The following ERC2 variants were observed in gnomAD, a reference collection of about 807,000 sequenced individuals.
ERC2 encodes the protein ELKS/RAB6-interacting/CAST family member 2, also known as ERC protein 2.
In ERC2, 42 loss-of-function variants were observed where a neutral mutation model predicts 114.8. That is an observed-to-expected ratio of 0.37 (90% CI 0.29 to 0.47). The LOEUF (loss-of-function observed/expected upper bound fraction) is 0.47. ERC2 is among the 20% of genes least tolerant of loss of function. ERC2 has a pLI of 0.99. For missense variants in ERC2, 939 were observed against 1,150.7 expected (o/e 0.82, Z 2.66); for synonymous variants, 454 against 425.5 (o/e 1.07, Z -0.82).
intron 14 of ERC2, among the ~76,000 whole-genome samples, chr3:55,879,903 A>T (rs1255263564): frequency 1.3e-5 from 2 of 152,140 alleles, no homozygotes; most frequent in African/African-American, 4.8e-5. Context: ...TTGTTCTCAC[A>T]TCTAGTAAAA....
At chr3:55,579,331 A>C (rs910202047) in intron 17 of ERC2, among the ~76,000 whole-genome samples, 1 of 152,204 alleles carries the variant, frequency 6.6e-6, no homozygotes, top group Non-Finnish European at 1.5e-5. Flanking sequence ...AATTTGAAAA[A>C]AAAATGGCAT....
chr3:55,612,328 G>T (rs1009069834), intron 17 of ERC2, among the ~76,000 whole-genome samples: 2 of 152,136 alleles, frequency 1.3e-5, no homozygotes, highest in African/African-American at 4.8e-5. Flanking sequence ...ACTGAGAGAG[G>T]GGCAGTCTCA....
At chr3:56,099,579 T>C (rs2078242919) in intron 6 of ERC2, among the ~76,000 whole-genome samples, 1 of 152,096 alleles carries the variant, frequency 6.6e-6, no homozygotes, top group African/African-American at 2.4e-5. Flanking sequence ...AGAGTCTCCA[T>C]CAATAGAGCC....
At chr3:56,051,845 ACACAC>A (rs2075785093) in intron 7 of ERC2, among the ~76,000 whole-genome samples, 1 of 142,820 alleles carries the variant, frequency 7.0e-6, no homozygotes, top group African/African-American at 3.0e-5. Flanking sequence ...ACACACACAC[ACACAC>A]ACACACACAC....
chr3:56,178,624 C>T (rs1164237714), intron 3 of ERC2, among the ~76,000 whole-genome samples: 1 of 152,202 alleles, frequency 6.6e-6, no homozygotes, highest in Non-Finnish European at 1.5e-5. Flanking sequence ...AAATCTCAAA[C>T]ATCAACTCAT....
rs991573001 is a variant in ERC2, at chr3:55,992,353, C to T, written c.2062-103G>A. On this transcript the variant is annotated intron_variant, in intron 10 of 17. Coordinates refer to ENST00000288221, the MANE Select transcript of ERC2 (RefSeq NM_015576.3). ...GAAATTAACTTTGGAGAGAAAATCACCACCAAGATTTATGGGTATATTGTC... is the reference window on the plus strand; with the variant it reads ...GAAATTAACTTTGGAGAGAAAATCATCACCAAGATTTATGGGTATATTGTC... 8.5e-6 allele frequency: 9 copies of T among 1,053,516 alleles called. No individual in the cohort carries two copies. In the African/African-American group the frequency reaches 1.4e-4, roughly 17 times the overall value. The allele number at this position is 1,053,516 out of a possible 1,614,324, so 65.3% of individuals were successfully genotyped here.
At chr3:55,595,986 C>G (rs751127203) in intron 17 of ERC2, among the ~76,000 whole-genome samples, 1 of 152,200 alleles carries the variant, frequency 6.6e-6, no homozygotes, top group Non-Finnish European at 1.5e-5. Context: ...AGTGAGGATA[C>G]TAGAGAAAGC....
chr3:55,674,436 G>A (rs2061694141), intron 17 of ERC2, among the ~76,000 whole-genome samples: 1 of 152,138 alleles, frequency 6.6e-6, no homozygotes, highest in Admixed American at 6.5e-5. Flanking sequence ...CTCTGAATGA[G>A]GATTTTGAGA....
At chr3:55,922,914 G>A (rs998336021) in intron 13 of ERC2, among the ~76,000 whole-genome samples, 5 of 152,124 alleles carry the variant, frequency 3.3e-5, no homozygotes, top group African/African-American at 1.2e-4. Context: ...GGAATTGGAG[G>A]CCTGTGCATT....
rs61573924 is a variant in ERC2 at position 55,850,845 on chromosome 3, A to AACACACACACACACACACAC, written c.2564+37524_2564+37543dup. ...TCCTGTTTCTAGATACTCTTTTTCA[A>AACACACACACACACACACAC]ACACACACACACACACACACACACA... On this transcript the variant is annotated intron_variant, in intron 14 of 17. Coordinates refer to ENST00000288221, the MANE Select transcript of ERC2 (RefSeq NM_015576.3). 4.0e-5 allele frequency among the ~76,000 whole-genome samples: 5 copies of AACACACACACACACACACAC among 125,956 alleles called. No individual in the cohort carries two copies. In the South Asian group the frequency reaches 8.9e-4, roughly 22 times the overall value. 82.6% of individuals were successfully genotyped at this position (125,956 alleles called of 152,430 possible).
chr3:56,393,478 C>T (rs138124243), intron 2 of ERC2, among the ~76,000 whole-genome samples: 13 of 152,098 alleles, frequency 8.5e-5, no homozygotes, highest in African/African-American at 2.9e-4. Flanking sequence ...TAGTTATGGC[C>T]CCATTACATG....
At chr3:55,652,799 G>A (rs1423043897) in intron 17 of ERC2, among the ~76,000 whole-genome samples, 3 of 141,688 alleles carry the variant, frequency 2.1e-5, no homozygotes, top group Non-Finnish European at 3.0e-5. Context: ...GGCAGAGGTC[G>A]AAGTGAGCCA....
At chr3:56,181,509 AAGTTTGT>A (rs2083286823) in intron 3 of ERC2, among the ~76,000 whole-genome samples, 1 of 152,176 alleles carries the variant, frequency 6.6e-6, no homozygotes, top group African/African-American at 2.4e-5. Context: ...CTTTATAGAA[AAGTTTGT>A]CAACCCTTGG....
At chr3:56,041,033 CT>C (rs2075161625) in intron 7 of ERC2, among the ~76,000 whole-genome samples, 1 of 151,728 alleles carries the variant, frequency 6.6e-6, no homozygotes, top group Admixed American at 6.6e-5. Flanking sequence ...TGCTTTACAG[CT>C]TTTGTCAGAT....
At chr3:55,864,205 ATACACACATATATACACATATATATG>A (rs1242201792) in intron 14 of ERC2, among the ~76,000 whole-genome samples, 26 of 143,516 alleles carry the variant, frequency 1.8e-4, no homozygotes, top group Non-Finnish European at 2.6e-4. Flanking sequence ...ACACATATAT[ATACACACATATATACACATATATATG>A]TGTGTGTGTG....
intron 4 of ERC2, among the ~76,000 whole-genome samples, chr3:56,159,746 GA>G (rs1405102203): frequency 5.3e-5 from 8 of 152,272 alleles, no homozygotes; most frequent in Admixed American, 5.2e-4. Flanking sequence ...TTATAAGTGA[GA>G]ACGTGCAGTA....
intron 14 of ERC2, among the ~76,000 whole-genome samples, chr3:55,858,171 A>G (rs1044288177): frequency 3.3e-5 from 5 of 152,200 alleles, no homozygotes; most frequent in Non-Finnish European, 7.3e-5. Context: ...CTACTTAAAG[A>G]TAAAAACAAG....
intron 17 of ERC2, among the ~76,000 whole-genome samples, chr3:55,651,052 A>G: frequency 7.5e-6 from 1 of 133,292 alleles, no homozygotes; most frequent in Non-Finnish European, 1.5e-5. Context: ...GTAGACACAG[A>G]GTTTCACCAT....
At chr3:56,187,275 T>C (rs1346708397) in intron 3 of ERC2, among the ~76,000 whole-genome samples, 4 of 152,138 alleles carry the variant, frequency 2.6e-5, no homozygotes, top group African/African-American at 4.8e-5. Flanking sequence ...ATATGAGCTG[T>C]TGGCAACAGC....
Sources: gnomAD v4.1 joint callset for allele counts (sites outside exome capture counted in the v4.1 genomes callset) on GRCh38, gnomAD v4.1.1 for gene constraint, MANE v1.5 for transcripts, NCBI Gene and HGNC (gene_info 2026-07-23, HGNC 2026-07-21) for gene names.